Variants in CTSO observed in about 807,000 individuals in gnomAD.
CTSO encodes the protein cathepsin O.
A neutral mutation model predicts 42.4 loss-of-function variants in CTSO; 40 were observed. That is an observed-to-expected ratio of 0.94 (90% CI 0.73 to 1.23). The LOEUF (loss-of-function observed/expected upper bound fraction) is 1.23, where lower values mean the gene tolerates loss of function less well. Among genes scored for constraint, CTSO ranks in the 50% most tolerant of loss-of-function variants. The probability of loss-of-function intolerance (pLI) is 0.00; values close to 1 mark genes in which losing one functional copy is unlikely to be tolerated. For missense variants in CTSO, 441 were observed against 396.0 expected, an observed-to-expected ratio of 1.11 and a Z score of -0.96; for synonymous variants, 156 against 146.2, an observed-to-expected ratio of 1.07 and a Z score of -0.48.
intron 1 of CTSO, among the ~76,000 whole-genome samples, chr4:155,947,048 G>T (rs138994047): frequency 0.034 from 5,105 of 152,166 alleles, 111 homozygotes; most frequent in South Asian, 0.073. Context: ...TTTTAGTAGA[G>T]ATGAGGTTTC....
chr4:155,929,826 A>G, intron 5 of CTSO, 121 bp from the exon 6 acceptor site: 1 of 850,760 alleles, frequency 1.2e-6, no homozygotes, highest in Non-Finnish European at 1.7e-6. Flanking sequence ...GACCTAAACA[A>G]TGGAAGCTAA....
chr4:155,936,771 C>G (rs888261865), intron 5 of CTSO, among the ~76,000 whole-genome samples: 2 of 152,182 alleles, frequency 1.3e-5, no homozygotes, highest in Non-Finnish European at 2.9e-5. Context: ...ACATTCCCAT[C>G]ATGCTTATAG....
At chr4:155,932,765 G>T (rs1052709248) in intron 5 of CTSO, among the ~76,000 whole-genome samples, 4 of 152,158 alleles carry the variant, frequency 2.6e-5, no homozygotes, top group African/African-American at 9.7e-5. Flanking sequence ...AAACCCTGCT[G>T]CCCCGGTTCT....
intron 1 of CTSO, among the ~76,000 whole-genome samples, chr4:155,950,140 G>T (rs6536123): frequency 0.89 from 135,512 of 152,260 alleles, 61,864 homozygotes; most frequent in East Asian, 1. Context: ...GTGTAGTCAG[G>T]ATTTGTGTGA....
At chr4:155,926,138 C>T in intron 7 of CTSO, 68 bp from the exon 8 acceptor site, 1 of 1,198,582 alleles carries the variant, frequency 8.3e-7, no homozygotes, top group Non-Finnish European at 1.2e-6. Flanking sequence ...TAAATTAAAG[C>T]AATTTTTCAT....
intron 5 of CTSO, among the ~76,000 whole-genome samples, chr4:155,932,935 T>A (rs1249462335): frequency 6.6e-6 from 1 of 152,146 alleles, no homozygotes. Context: ...AGGCCGGGAA[T>A]CCTCCTAGAC....
intron 5 of CTSO, among the ~76,000 whole-genome samples, chr4:155,933,191 T>C (rs925408649): frequency 1.3e-5 from 2 of 152,106 alleles, no homozygotes; most frequent in Non-Finnish European, 2.9e-5. Context: ...AATTGAATCA[T>C]GGGGGCCAGT....
intron 3 of CTSO, among the ~76,000 whole-genome samples, chr4:155,941,210 G>A (rs1168730697): frequency 2.0e-5 from 3 of 152,238 alleles, no homozygotes; most frequent in Non-Finnish European, 4.4e-5. Context: ...GATCTGTTGA[G>A]GTTTCCACTG....
At chr4:155,948,984 A>G (rs1422284343) in intron 1 of CTSO, among the ~76,000 whole-genome samples, 2 of 152,220 alleles carry the variant, frequency 1.3e-5, no homozygotes, top group East Asian at 1.9e-4. Flanking sequence ...TTCTTCTTGC[A>G]TGTACTCAAC....
At chr4:155,928,048 A>C (rs756629849) in intron 7 of CTSO, among the ~76,000 whole-genome samples, 18 of 152,152 alleles carry the variant, frequency 1.2e-4, no homozygotes, top group Non-Finnish European at 2.4e-4. Context: ...CAGTCTCCTA[A>C]GCTGTGTGTT....
chr4:155,935,903 T>C (rs2110916400), intron 5 of CTSO, among the ~76,000 whole-genome samples: 1 of 152,324 alleles, frequency 6.6e-6, no homozygotes, highest in South Asian at 2.1e-4. Flanking sequence ...TCTTCCTTCC[T>C]AATCAAAGGC....
At chr4:155,928,556 T>G in intron 6 of CTSO, 128 bp from the exon 7 acceptor site, 1 of 639,164 alleles carries the variant, frequency 1.6e-6, no homozygotes, top group Admixed American at 3.2e-5. Flanking sequence ...AAAATGTAAT[T>G]TAATGGTAAC....
At chr4:155,929,398 C>G in intron 6 of CTSO, 144 bp downstream of exon 6, 1 of 758,562 alleles carries the variant, frequency 1.3e-6, no homozygotes, top group South Asian at 2.2e-5. Context: ...CACATTTACT[C>G]CTATAAGATT....
chr4:155,932,919 A>C (rs1743260956), intron 5 of CTSO, among the ~76,000 whole-genome samples: 1 of 152,048 alleles, frequency 6.6e-6, no homozygotes. Flanking sequence ...AGTCATTGAG[A>C]TCAAAAGGCC....
intron 1 of CTSO, among the ~76,000 whole-genome samples, chr4:155,943,809 G>T (rs935080902): frequency 3.9e-5 from 6 of 152,148 alleles, no homozygotes. Flanking sequence ...TGTGACAGAT[G>T]CAATTCTGGA....
At chr4:155,949,326 G>A (rs1743605285) in intron 1 of CTSO, among the ~76,000 whole-genome samples, 1 of 152,134 alleles carries the variant, frequency 6.6e-6, no homozygotes, top group African/African-American at 2.4e-5. Context: ...GGGACTTCAT[G>A]TCTGTTTTAT....
rs1024693869 is a variant in CTSO at position 155,950,626 on chromosome 4, G to A, written c.135+3087C>T. 2.6e-5 allele frequency among the ~76,000 whole-genome samples: 4 copies of A among 152,170 alleles called. No individual in the cohort carries two copies. In the East Asian group the frequency reaches 7.8e-4, roughly 29 times the overall value. On this transcript the variant is annotated intron_variant, in intron 1 of 7. Coordinates refer to ENST00000433477, the MANE Select transcript of CTSO (RefSeq NM_001334.3). ...CAGTACTGTTCTGTGGCCTGTTAACGACCAGGCTGCACAGCAGGTGGTGAG... is the reference window on the plus strand; with the variant it reads ...CAGTACTGTTCTGTGGCCTGTTAACAACCAGGCTGCACAGCAGGTGGTGAG...
intron 5 of CTSO, among the ~76,000 whole-genome samples, chr4:155,935,839 A>T (rs1465056448): frequency 6.6e-6 from 1 of 152,216 alleles, no homozygotes; most frequent in Non-Finnish European, 1.5e-5. Context: ...TCAGTTTAGC[A>T]TTGCACTGTT....
chr4:155,945,601 A>ATAT (rs1743528714), intron 1 of CTSO, among the ~76,000 whole-genome samples: 1 of 152,218 alleles, frequency 6.6e-6, no homozygotes, highest in Admixed American at 6.5e-5. Context: ...AGTAATACCA[A>ATAT]TATTATCCTT....
Sources: gnomAD v4.1 joint callset for allele counts (sites outside exome capture counted in the v4.1 genomes callset) on GRCh38, gnomAD v4.1.1 for gene constraint, MANE v1.5 for transcripts, NCBI Gene and HGNC (gene_info 2026-07-23, HGNC 2026-07-21) for gene names.